The following NAALADL2 variants were observed in gnomAD, a reference collection of about 807,000 sequenced individuals.
The protein encoded by NAALADL2 is N-acetylated alpha-linked acidic dipeptidase like 2, also known as inactive N-acetylated-alpha-linked acidic dipeptidase-like protein 2.
NAALADL2 carries 76 observed loss-of-function variants against 87.2 expected under a neutral mutation model. The ratio of observed to expected loss-of-function variants is 0.87; its 90% CI spans 0.72 to 1.05. The LOEUF (loss-of-function observed/expected upper bound fraction) is 1.05. NAALADL2 is among the 50% of genes least tolerant of loss of function. The pLI, the probability that NAALADL2 is intolerant of heterozygous loss-of-function variation, is 0.00. For synonymous variants in NAALADL2, 354 were observed against 331.0 expected (o/e 1.07, Z -0.75); for missense variants, 1,089 against 945.8 (o/e 1.15, Z -1.99).
intron 2 of NAALADL2, among the ~76,000 whole-genome samples, chr3:175,190,339 G>A (rs1258291666): frequency 6.6e-6 from 1 of 151,784 alleles, no homozygotes; most frequent in African/African-American, 2.4e-5. Context: ...CATTTACAAA[G>A]AACTTACACA....
intron 1 of NAALADL2, among the ~76,000 whole-genome samples, chr3:174,892,722 G>A (rs912314745): frequency 2.0e-5 from 3 of 151,920 alleles, no homozygotes; most frequent in Non-Finnish European, 4.4e-5. Flanking sequence ...TCAGGAGTTC[G>A]AGACGACCCT....
At chr3:175,077,422 T>C (rs1438450498) in intron 1 of NAALADL2, among the ~76,000 whole-genome samples, 1 of 152,216 alleles carries the variant, frequency 6.6e-6, no homozygotes, top group African/African-American at 2.4e-5. Flanking sequence ...CCCAGTATTT[T>C]TTCCGTGTAT....
At chr3:175,150,542 G>A (rs1334404759) in intron 2 of NAALADL2, among the ~76,000 whole-genome samples, 1 of 152,212 alleles carries the variant, frequency 6.6e-6, no homozygotes, top group East Asian at 1.9e-4. Flanking sequence ...GTTTGATCAC[G>A]TTTACCTCCA....
chr3:175,011,770 T>C (rs942991657), intron 1 of NAALADL2, among the ~76,000 whole-genome samples: 1 of 152,196 alleles, frequency 6.6e-6, no homozygotes, highest in African/African-American at 2.4e-5. Flanking sequence ...TCAAGCCATT[T>C]TGAGTGTATT....
intron 2 of NAALADL2, among the ~76,000 whole-genome samples, chr3:175,145,091 G>A (rs1730560299): frequency 6.6e-6 from 1 of 151,896 alleles, no homozygotes; most frequent in South Asian, 2.1e-4. Context: ...GATAGAGAAG[G>A]ATTTGGGAGG....
chr3:174,882,561 A>ATATATACAT (rs1307092840), intron 1 of NAALADL2, among the ~76,000 whole-genome samples: 19 of 149,678 alleles, frequency 1.3e-4, no homozygotes, highest in Non-Finnish European at 2.8e-4. Context: ...ACATATGTGT[A>ATATATACAT]TATATACATA....
At chr3:174,701,911 G>C (rs554335377) in intron 2 of NAALADL2, among the ~76,000 whole-genome samples, 1 of 152,130 alleles carries the variant, frequency 6.6e-6, no homozygotes, top group South Asian at 2.1e-4. Context: ...TTGCGTACAA[G>C]TCTTTGTATA....
intron 4 of NAALADL2, among the ~76,000 whole-genome samples, chr3:175,277,151 T>C (rs1753717456): frequency 1.3e-5 from 2 of 152,312 alleles, no homozygotes; most frequent in South Asian, 2.1e-4. Context: ...TAAATAAAAT[T>C]GGAATTGGCC....
chr3:175,793,863 G>T lies in NAALADL2; in HGVS notation c.2190-9142G>T, dbSNP rs150384876. ...TTAGATGTTTAATAAAGGCTGTTCA[G>T]TAGAATAAGCGGAAAAACATCAATA... On this transcript the variant is annotated intron_variant, in intron 13 of 13. Transcript: ENST00000454872. Among the ~76,000 whole-genome samples, 405 of 152,240 alleles carry T rather than the reference G, an allele frequency of 2.7e-3. 12 individuals carry two copies. Among genetic ancestry groups the T allele is most frequent in the Admixed American group, 0.025 (376 of 15,290 alleles).
At chr3:175,581,886 T>A (rs933299920) in intron 10 of NAALADL2, among the ~76,000 whole-genome samples, 23 of 152,194 alleles carry the variant, frequency 1.5e-4, no homozygotes, top group African/African-American at 5.6e-4. Flanking sequence ...TACATCTTAT[T>A]CAAAGATTTG....
At chr3:174,631,195 T>C (rs1722079941) in intron 2 of NAALADL2, among the ~76,000 whole-genome samples, 1 of 152,192 alleles carries the variant, frequency 6.6e-6, no homozygotes, top group Non-Finnish European at 1.5e-5. Context: ...AGAAAGCATT[T>C]ACAGTGTATA....
intron 3 of NAALADL2, among the ~76,000 whole-genome samples, chr3:174,788,490 G>C (rs1390445113): frequency 1.3e-5 from 2 of 152,068 alleles, no homozygotes; most frequent in African/African-American, 4.8e-5. Context: ...TCTTTCCTTG[G>C]CTTGCAGATG....
At chr3:175,678,261 C>G (rs1374517162) in intron 11 of NAALADL2, among the ~76,000 whole-genome samples, 3 of 152,008 alleles carry the variant, frequency 2.0e-5, no homozygotes, top group African/African-American at 4.8e-5. Context: ...AAAATGAGTT[C>G]AAGTAAAAAA....
chr3:175,085,059 GA>G (rs1406492934), intron 1 of NAALADL2, among the ~76,000 whole-genome samples: 6 of 152,138 alleles, frequency 3.9e-5, no homozygotes, highest in Non-Finnish European at 2.9e-5. Context: ...TGATTTTGGG[GA>G]AGTTGAGTTA....
At chr3:175,327,259 C>T (rs1581436605) in intron 5 of NAALADL2, among the ~76,000 whole-genome samples, 1 of 150,270 alleles carries the variant, frequency 6.7e-6, no homozygotes, top group Non-Finnish European at 1.5e-5. Context: ...GGGTTCATGC[C>T]ATTCTCCTGC....
chr3:175,308,864 T>A (rs1302851373), intron 4 of NAALADL2, among the ~76,000 whole-genome samples: 1 of 152,210 alleles, frequency 6.6e-6, no homozygotes, highest in African/African-American at 2.4e-5. Flanking sequence ...TAAATCTTTC[T>A]AATTAGTGAA....
At chr3:175,211,639 A>T (rs1279528542) in intron 2 of NAALADL2, among the ~76,000 whole-genome samples, 5 of 151,950 alleles carry the variant, frequency 3.3e-5, no homozygotes, top group Non-Finnish European at 5.9e-5. Context: ...TGTTGGCATC[A>T]TTAAGGTAGA....
intron 3 of NAALADL2, among the ~76,000 whole-genome samples, chr3:174,804,766 G>A (rs1291583539): frequency 1.3e-5 from 2 of 152,180 alleles, no homozygotes; most frequent in African/African-American, 4.8e-5. Context: ...TAAAAAAGTA[G>A]GGTTGAAGAA....
At chr3:174,681,814 G>T (rs1360640585) in intron 2 of NAALADL2, among the ~76,000 whole-genome samples, 1 of 152,126 alleles carries the variant, frequency 6.6e-6, no homozygotes, top group African/African-American at 2.4e-5. Flanking sequence ...GGCCACGGTG[G>T]GGTAGAAAAC....
Sources: allele counts gnomAD v4.1 joint callset (sites outside exome capture counted in the v4.1 genomes callset), GRCh38; gene constraint gnomAD v4.1.1; transcripts MANE v1.5; gene names NCBI Gene and HGNC (gene_info 2026-07-23, HGNC 2026-07-21).